SMU1: variants seen among roughly 807,000 people sequenced by gnomAD.
The protein encoded by SMU1 is SMU1 DNA replication regulator and spliceosomal factor, also known as WD40 repeat-containing protein SMU1.
SMU1 carries 2 observed loss-of-function variants against 62.0 expected under a neutral mutation model. That is an observed-to-expected ratio of 0.03 (90% confidence interval 0.01 to 0.10). The LOEUF is 0.10. Ranked by LOEUF, SMU1 falls within the 10% of genes least tolerant of loss-of-function variation. The probability of loss-of-function intolerance (pLI) is 1.00; values close to 1 mark genes in which losing one functional copy is unlikely to be tolerated. For missense variants in SMU1, 227 were observed against 622.1 expected, an observed-to-expected ratio of 0.36 and a Z score of 6.76; for synonymous variants, 188 against 212.4, an observed-to-expected ratio of 0.89 and a Z score of 1.00.
intron 10 of SMU1, among the ~76,000 whole-genome samples, chr9:33,048,740 G>C (rs114545806): frequency 1.3e-5 from 2 of 152,016 alleles, no homozygotes; most frequent in Non-Finnish European, 2.9e-5. Context: ...CTGAAAAGGC[G>C]AACAGTTTAC....
chr9:33,068,775 G>A (rs1839454431), intron 4 of SMU1, 49 bp downstream of exon 4: 2 of 1,601,744 alleles, frequency 1.2e-6, no homozygotes, highest in Non-Finnish European at 1.7e-6. Context: ...AAAGTGCAAG[G>A]ATGACAGGTG....
intron 10 of SMU1, among the ~76,000 whole-genome samples, chr9:33,050,857 C>G (rs1839238382): frequency 8.0e-6 from 1 of 124,456 alleles, no homozygotes; most frequent in Admixed American, 8.2e-5. Flanking sequence ...CGCGGTGGCT[C>G]ACGCCTGTAA....
intron 11 of SMU1, 79 bp from the exon 12 acceptor site, chr9:33,047,470 A>C: frequency 8.5e-7 from 1 of 1,170,954 alleles, no homozygotes; most frequent in Non-Finnish European, 1.2e-6. Flanking sequence ...AGGTGGGTGG[A>C]AGGGAAAAAG....
intron 3 of SMU1, among the ~76,000 whole-genome samples, chr9:33,071,144 C>T (rs1484609941): frequency 2.6e-5 from 4 of 151,744 alleles, no homozygotes; most frequent in Admixed American, 1.3e-4. Flanking sequence ...CTACTATGTA[C>T]CCATAAAAAA....
rs1446741656 is a variant in SMU1, at chr9:33,073,618, G to T, written c.215C>A (p.Thr72Asn). ...TACCTGTTCATAGAGGTCAATGAGG[G>T]TTTTGTCTGGCAATTTCAGAGACTG... is the stretch of plus-strand genomic sequence containing the variant. ...AIQSLKLPDK[T>N]LIDLYEQVVL... Residue 72 changes from threonine to asparagine, a missense_variant, in exon 2 of 12, where the codon ACC (threonine) becomes AAC (asparagine). Around this residue, in one of 5 missense-constraint regions of SMU1, gnomAD observed 99 missense variants for 270.3 expected, o/e 0.37. Coordinates refer to ENST00000397149, the MANE Select transcript of SMU1 (RefSeq NM_018225.3). The T allele has an allele frequency of 6.2e-7, 1 of 1,612,054 alleles. No individual in the cohort carries two copies. The highest frequency in any genetic ancestry group is 1.3e-5 in the African/African-American group (1 of 74,962).
intron 3 of SMU1, among the ~76,000 whole-genome samples, chr9:33,070,013 C>T (rs1197692891): frequency 6.6e-6 from 1 of 151,826 alleles, no homozygotes; most frequent in Non-Finnish European, 1.5e-5. Context: ...GTAATCCCAG[C>T]TACTTGGTGG....
intron 4 of SMU1, among the ~76,000 whole-genome samples, chr9:33,063,088 A>T (rs1417778941): frequency 6.6e-6 from 1 of 152,176 alleles, no homozygotes; most frequent in African/African-American, 2.4e-5. Context: ...GGGGCCAAGC[A>T]TGGTGGCTCA....
intron 3 of SMU1, among the ~76,000 whole-genome samples, chr9:33,070,122 A>AAAC (rs749230479): frequency 1.7e-4 from 26 of 152,176 alleles, no homozygotes; most frequent in East Asian, 7.7e-4. Flanking sequence ...TCTGTCTCAA[A>AAAC]AACAACAACA....
At position 33,045,052 on chromosome 9, in the gene SMU1, A is replaced by G. The variant is rs1004306721; in HGVS notation, c.*2241T>C. 1.1e-4 allele frequency: 17 copies of G among 152,140 alleles called. No homozygotes were observed. Among genetic ancestry groups the G allele is most frequent in the Admixed American group, 1.1e-3 (17 of 15,260 alleles). 9.4% of individuals were successfully genotyped at this position (152,140 alleles called of 1,614,324 possible). A position where few individuals can be genotyped will look rare whatever the true frequency, so the allele number is the denominator to read the frequency against. On this transcript the variant is annotated 3_prime_UTR_variant, in exon 12 of 12. Transcript: ENST00000397149. ...GGCAGAAACGAGTCTTTTTTTAACC[A>G]TATTCATCACCTGGTGCCAGCAACA...
rs1839152084 is a variant in SMU1 at position 33,043,838 on chromosome 9, C to T, written c.*3455G>A. The T allele has an allele frequency of 2.0e-5, 3 of 152,388 alleles. No individual in the cohort carries two copies. Among genetic ancestry groups the T allele is most frequent in the African/African-American group, 7.2e-5 (3 of 41,394 alleles). 9.4% of individuals were successfully genotyped at this position (152,388 alleles called of 1,614,324 possible). A position where few individuals can be genotyped will look rare whatever the true frequency, so the allele number is the denominator to read the frequency against. On this transcript the variant is annotated 3_prime_UTR_variant, in exon 12 of 12. Transcript: ENST00000397149. Reference sequence around the variant, plus strand: ...CTGTTTCTTCATGTGCATTTGCGCACCCTCATTACATTGTTCTGAGAATTA... The same window carrying T: ...CTGTTTCTTCATGTGCATTTGCGCATCCTCATTACATTGTTCTGAGAATTA...
chr9:33,048,026 G>GA, intron 11 of SMU1, 80 bp downstream of exon 11: 1 of 1,359,322 alleles, frequency 7.4e-7, no homozygotes. Context: ...GATAGCTCTG[G>GA]AAAAGGCACA....
At chr9:33,072,843 A>C (rs948092262) in intron 2 of SMU1, among the ~76,000 whole-genome samples, 1 of 151,832 alleles carries the variant, frequency 6.6e-6, no homozygotes, top group Non-Finnish European at 1.5e-5. Context: ...AAAAAACAAA[A>C]AAAAAAACCC....
At chr9:33,056,304 T>C (rs1839303241) in intron 8 of SMU1, 65 bp from the exon 9 acceptor site, 1 of 1,464,640 alleles carries the variant, frequency 6.8e-7, no homozygotes, top group South Asian at 1.3e-5. Context: ...TGACCAACGA[T>C]TGAATGCATT....
intron 3 of SMU1, among the ~76,000 whole-genome samples, chr9:33,069,708 A>G (rs1045942111): frequency 4.6e-5 from 7 of 152,210 alleles, no homozygotes; most frequent in Non-Finnish European, 8.8e-5. Context: ...AGGCTGAGGC[A>G]GGAGAATTCC....
intron 10 of SMU1, among the ~76,000 whole-genome samples, chr9:33,048,483 T>C (rs977167977): frequency 2.6e-5 from 4 of 152,206 alleles, no homozygotes; most frequent in Non-Finnish European, 2.9e-5. Flanking sequence ...TTAGAATTCA[T>C]ACATCCCACG....
chr9:33,042,833 G>GT lies in SMU1; in HGVS notation c.*4459dup, dbSNP rs1392285549. ...GGCAGCCCTTGCTATTCCAAGTTTG[G>GT]TTTTTTTGTTTTTTGTTTTTGAGAC... is the stretch of plus-strand genomic sequence containing the variant. On this transcript the variant is annotated 3_prime_UTR_variant, in exon 12 of 12. Coordinates refer to ENST00000397149, the MANE Select transcript of SMU1 (RefSeq NM_018225.3). The GT allele has an allele frequency of 2.0e-5, 3 of 152,266 alleles. No homozygotes were observed. Among genetic ancestry groups the GT allele is most frequent in the African/African-American group, 4.8e-5 (2 of 41,444 alleles). 9.4% of individuals were successfully genotyped at this position (152,266 alleles called of 1,614,324 possible).
At chr9:33,066,194 T>C (rs1839417305) in intron 4 of SMU1, among the ~76,000 whole-genome samples, 1 of 151,518 alleles carries the variant, frequency 6.6e-6, no homozygotes, top group Non-Finnish European at 1.5e-5. Flanking sequence ...CTCCCACATA[T>C]GGTCAGCAAA....
chr9:33,047,140 CTACT>C lies in SMU1; in HGVS notation c.*149_*152del, dbSNP rs1418894945. On this transcript the variant is annotated 3_prime_UTR_variant, in exon 12 of 12. Transcript: ENST00000397149. ...TATATAAAAAAAGAAAGGGTAGTTG[CTACT>C]TAAACATGAATTTTCACAAAATTAT... 2 of 551,856 alleles carry C rather than the reference CTACT, an allele frequency of 3.6e-6. No individual in the cohort carries two copies. Among genetic ancestry groups the C allele is most frequent in the East Asian group, 3.1e-5 (1 of 32,372 alleles). The allele number at this position is 551,856 out of a possible 1,614,324, so 34.2% of individuals were successfully genotyped here.
chr9:33,043,009 A>G lies in SMU1; in HGVS notation c.*4284T>C, dbSNP rs1839142231. On this transcript the variant is annotated 3_prime_UTR_variant, in exon 12 of 12. Transcript: ENST00000397149. ...TGCCACCATGCCCGGCTAATTTTGT[A>G]TCCTTAGTAGAGACAGGGTGTCACC... 6.6e-6 allele frequency: 1 copy of G among 152,098 alleles called. No individual in the cohort carries two copies. The highest frequency in any genetic ancestry group is 3.4e-3 in the Middle Eastern group (1 of 292). The allele number at this position is 152,098 out of a possible 1,614,324, so 9.4% of individuals were successfully genotyped here.
Sources: allele counts gnomAD v4.1 joint callset (sites outside exome capture counted in the v4.1 genomes callset), GRCh38; gene constraint gnomAD v4.1.1; regional missense constraint gnomAD v4.1.1; transcripts MANE v1.5; gene names NCBI Gene and HGNC (gene_info 2026-07-23, HGNC 2026-07-21).